Variants in CPNE4 observed in about 807,000 individuals in gnomAD.
The protein encoded by CPNE4 is copine 4, also known as copine-4.
In CPNE4, 25 loss-of-function variants were observed where a neutral mutation model predicts 67.9. The ratio of observed to expected loss-of-function variants is 0.37; its 90% CI spans 0.27 to 0.51. CPNE4 has a LOEUF of 0.51. CPNE4 is among the 20% of genes least tolerant of loss of function. The pLI is 0.93. For missense variants in CPNE4, 464 were observed against 690.8 expected, an observed-to-expected ratio of 0.67 and a Z score of 3.68; for synonymous variants, 242 against 244.9, an observed-to-expected ratio of 0.99 and a Z score of 0.11.
intron 2 of CPNE4, among the ~76,000 whole-genome samples, chr3:131,744,442 T>A (rs936038596): frequency 6.6e-6 from 1 of 152,226 alleles, no homozygotes. Context: ...GACCCCCTTG[T>A]ACCCTTTATT....
In CPNE4 at chr3:131,994,042, G is replaced by T. The variant is rs990283323; in HGVS notation, c.-2+40525C>A. Among the ~76,000 whole-genome samples the T allele has an allele frequency of 3.4e-4, 46 of 136,316 alleles. 4 individuals are homozygous for T. Among genetic ancestry groups the T allele is most frequent in the African/African-American group, 1.1e-3 (43 of 40,848 alleles). 89.4% of individuals were successfully genotyped at this position (136,316 alleles called of 152,430 possible). On this transcript the variant is annotated intron_variant, in intron 1 of 15. Coordinates refer to ENST00000429747, the MANE Select transcript of CPNE4 (RefSeq NM_130808.3). ...ATATTAGCTATGGAATGGAAAATTT[G>T]CATTTTGCAAAAGTACTATTTATAA...
intron 2 of CPNE4, among the ~76,000 whole-genome samples, chr3:131,776,445 T>C (rs1029296758): frequency 2.4e-4 from 37 of 152,218 alleles, no homozygotes; most frequent in Non-Finnish European, 4.4e-4. Flanking sequence ...AATCAGAGCA[T>C]TCAGAGAGAG....
chr3:131,918,580 C>G (rs936612552), intron 1 of CPNE4, among the ~76,000 whole-genome samples: 5 of 152,012 alleles, frequency 3.3e-5, no homozygotes, highest in Non-Finnish European at 5.9e-5. Context: ...AAACAAATAA[C>G]AAATAAGCAA....
intron 2 of CPNE4, among the ~76,000 whole-genome samples, chr3:131,889,150 T>C (rs1031098924): frequency 7.2e-5 from 11 of 152,172 alleles, no homozygotes; most frequent in Non-Finnish European, 1.3e-4. Flanking sequence ...AATAGATCCT[T>C]ATAATAAACC....
chr3:131,985,712 C>T (rs2073025418), intron 1 of CPNE4: 1 of 152,226 alleles, frequency 6.6e-6, no homozygotes, highest in African/African-American at 2.4e-5. Context: ...CAATTGAAAC[C>T]AATTAAGTCA....
intron 2 of CPNE4, among the ~76,000 whole-genome samples, chr3:131,835,382 A>G (rs142633299): frequency 0.065 from 9,933 of 152,184 alleles, 844 homozygotes; most frequent in African/African-American, 0.2. Context: ...TACAAAAATT[A>G]GCTGGGCATG....
chr3:132,021,506 C>T (rs1012130997), intron 1 of CPNE4, among the ~76,000 whole-genome samples: 2 of 152,130 alleles, frequency 1.3e-5, no homozygotes, highest in Admixed American at 6.5e-5. Flanking sequence ...AGATAGTAGG[C>T]GGTGCACATC....
chr3:131,555,346 A>G lies in CPNE4; in HGVS notation c.1116+151T>C, dbSNP rs1417713565. On this transcript the variant is annotated intron_variant, in intron 12 of 15. Transcript: ENST00000429747. ...ATCAAGAGACGGGCCCTGGCGAGTT[A>G]ATCTCACTGATTCTGAAGACAATTT... The G allele has an allele frequency of 6.5e-6, 4 of 611,034 alleles. No homozygotes were observed. In the African/African-American group the frequency reaches 7.4e-5, roughly 11 times the overall value. The allele number at this position is 611,034 out of a possible 1,614,324, so 37.9% of individuals were successfully genotyped here.
At chr3:131,848,057 C>T (rs559716673) in intron 2 of CPNE4, among the ~76,000 whole-genome samples, 5 of 152,258 alleles carry the variant, frequency 3.3e-5, no homozygotes, top group African/African-American at 4.8e-5. Context: ...TGCTCATAGT[C>T]TGGGCCTTCT....
chr3:131,552,368 G>C (rs1434798163), intron 13 of CPNE4, 72 bp downstream of exon 13: 3 of 1,269,230 alleles, frequency 2.4e-6, no homozygotes, highest in African/African-American at 3.0e-5. Flanking sequence ...TACACCAGCA[G>C]AGATGAACTA....
At chr3:131,854,957 G>A (rs539700507) in intron 2 of CPNE4, among the ~76,000 whole-genome samples, 1 of 151,966 alleles carries the variant, frequency 6.6e-6, no homozygotes, top group South Asian at 2.1e-4. Flanking sequence ...ATAAACAAAT[G>A]TTTGCCTATC....
chr3:131,920,706 C>T (rs1389026127), intron 1 of CPNE4, among the ~76,000 whole-genome samples: 1 of 151,968 alleles, frequency 6.6e-6, no homozygotes, highest in Non-Finnish European at 1.5e-5. Context: ...CTTAAAATGT[C>T]AGTTGACCTA....
At chr3:131,728,976 G>A (rs1220537588) in intron 2 of CPNE4, among the ~76,000 whole-genome samples, 3 of 150,876 alleles carry the variant, frequency 2.0e-5, no homozygotes, top group Non-Finnish European at 4.4e-5. Flanking sequence ...AAGACTATTT[G>A]TACAATGGCC....
At chr3:132,037,668 G>T (rs911962494), upstream of CPNE4, 1 of 1,446,370 alleles carries the variant, frequency 6.9e-7, no homozygotes, top group Admixed American at 2.0e-5. Context: ...TTCCCAAGTT[G>T]CAAAGGAAGC....
chr3:131,974,788 G>A (rs2072601607), intron 1 of CPNE4, among the ~76,000 whole-genome samples: 1 of 152,132 alleles, frequency 6.6e-6, no homozygotes, highest in Non-Finnish European at 1.5e-5. Flanking sequence ...CAGGTGGATT[G>A]CTTGAGCTCA....
rs574340822 is a variant in CPNE4 at position 131,966,410 on chromosome 3, T to C, written c.-1-60966A>G. On this transcript the variant is annotated intron_variant, in intron 1 of 15. Coordinates refer to ENST00000429747, the MANE Select transcript of CPNE4 (RefSeq NM_130808.3). ...AGGAGATAGAGACACAAAAATCCCT[T>C]CAAAAAATCAATGAATCCAGGAGCT... Among the ~76,000 whole-genome samples the C allele has an allele frequency of 2.0e-5, 3 of 152,094 alleles. No individual in the cohort carries two copies. In the South Asian group the frequency reaches 6.2e-4, roughly 32 times the overall value.
intron 3 of CPNE4, among the ~76,000 whole-genome samples, chr3:131,709,978 A>G (rs1477054016): frequency 6.6e-6 from 1 of 152,144 alleles, no homozygotes; most frequent in African/African-American, 2.4e-5. Flanking sequence ...CAATGAGATC[A>G]TTATTATCTG....
At chr3:131,997,827 A>G (rs1322431147) in intron 1 of CPNE4, among the ~76,000 whole-genome samples, 1 of 152,144 alleles carries the variant, frequency 6.6e-6, no homozygotes, top group Non-Finnish European at 1.5e-5. Context: ...CAGTGTTAAC[A>G]TGATCTTGCA....
chr3:131,732,050 C>T (rs781441367), intron 2 of CPNE4, among the ~76,000 whole-genome samples: 2 of 152,098 alleles, frequency 1.3e-5, no homozygotes, highest in Admixed American at 6.5e-5. Context: ...GTTGTAGAAC[C>T]AATAATACTA....
Sources: gnomAD v4.1 joint callset for allele counts (sites outside exome capture counted in the v4.1 genomes callset) on GRCh38, gnomAD v4.1.1 for gene constraint, MANE v1.5 for transcripts, NCBI Gene and HGNC (gene_info 2026-07-23, HGNC 2026-07-21) for gene names.